FRMD3: variants seen among roughly 807,000 people sequenced by gnomAD.
The protein encoded by FRMD3 is FERM domain containing 3.
A neutral mutation model predicts 70.2 loss-of-function variants in FRMD3; 33 were observed. The observed-to-expected ratio is 0.47, with a 90% CI of 0.36 to 0.63. The LOEUF is 0.63. FRMD3 is among the 20% of genes least tolerant of loss of function. The probability of loss-of-function intolerance (pLI) is 0.00; values close to 1 mark genes in which losing one functional copy is unlikely to be tolerated. For synonymous variants in FRMD3, 279 were observed against 255.9 expected (o/e 1.09, Z -0.86); for missense variants, 632 against 711.4 (o/e 0.89, Z 1.27).
At chr9:83,477,716 C>A (rs1828433993) in intron 1 of FRMD3, among the ~76,000 whole-genome samples, 1 of 152,102 alleles carries the variant, frequency 6.6e-6, no homozygotes, top group South Asian at 2.1e-4. Flanking sequence ...TGCTTCCAGA[C>A]CTCCTCCATG....
At position 83,432,103 on chromosome 9, in the gene FRMD3, G is replaced by C. The variant is rs1274758160; in HGVS notation, c.148-42395C>G. Among the ~76,000 whole-genome samples, 3 of 152,258 alleles carry C rather than the reference G, an allele frequency of 2.0e-5. No individual in the cohort carries two copies. In the South Asian group the frequency reaches 6.2e-4, roughly 32 times the overall value. Reference sequence around the variant, plus strand: ...GCATTCCCAATCTAGTGGCTGGAAAGGACACTGCCACACACCTGGAAGCAA... The same window carrying C: ...GCATTCCCAATCTAGTGGCTGGAAACGACACTGCCACACACCTGGAAGCAA... On this transcript the variant is annotated intron_variant, in intron 1 of 13. Transcript: ENST00000304195.
intron 1 of FRMD3, among the ~76,000 whole-genome samples, chr9:83,423,635 CG>C (rs1317591095): frequency 9.3e-6 from 1 of 107,900 alleles, no homozygotes; most frequent in African/African-American, 3.7e-5. Flanking sequence ...TCGCTTGCAT[CG>C]CTCAGGCTGG....
chr9:83,556,776 G>C, the FRMD3 span, among the ~76,000 whole-genome samples: 1 of 151,716 alleles, frequency 6.6e-6, no homozygotes, highest in Non-Finnish European at 1.5e-5. Flanking sequence ...CAAGAGATTC[G>C]TTTTTCAAAA....
chr9:83,266,376 C>G (rs1178992954), intron 13 of FRMD3, among the ~76,000 whole-genome samples: 1 of 152,172 alleles, frequency 6.6e-6, no homozygotes, highest in Non-Finnish European at 1.5e-5. Flanking sequence ...TTGTGTTAAT[C>G]AATTGGTAAA....
intron 2 of FRMD3, among the ~76,000 whole-genome samples, chr9:83,375,642 C>T (rs1045438723): frequency 6.6e-6 from 1 of 152,134 alleles, no homozygotes; most frequent in Non-Finnish European, 1.5e-5. Context: ...ACCACATGTT[C>T]TCACTTATAA....
the FRMD3 span, among the ~76,000 whole-genome samples, chr9:83,564,702 A>G: frequency 6.6e-6 from 1 of 152,190 alleles, no homozygotes; most frequent in Non-Finnish European, 1.5e-5. Flanking sequence ...CATTGTCCAT[A>G]CTCAAGAGCT....
Position 83,245,978 on chromosome 9 carries a change from A to G in FRMD3, c.*1940T>C, listed in dbSNP as rs1832073263. 1 of 984,158 alleles carries G rather than the reference A, an allele frequency of 1.0e-6. No individual in the cohort carries two copies. Among genetic ancestry groups the G allele is most frequent in the Non-Finnish European group, 1.2e-6 (1 of 828,890 alleles). The allele number at this position is 984,158 out of a possible 1,614,324, so 61.0% of individuals were successfully genotyped here. A position where few individuals can be genotyped will look rare whatever the true frequency, so the allele number is the denominator to read the frequency against. Reference sequence around the variant, plus strand: ...AATCTTTATTTAAAAAGCAAAATAAATCACTGAAAGCATATAGGAAAGGAA... The same window carrying G: ...AATCTTTATTTAAAAAGCAAAATAAGTCACTGAAAGCATATAGGAAAGGAA... On this transcript the variant is annotated 3_prime_UTR_variant, in exon 14 of 14. Coordinates refer to ENST00000304195, the MANE Select transcript of FRMD3 (RefSeq NM_174938.6).
chr9:83,449,611 G>C (rs1587863684), intron 1 of FRMD3, among the ~76,000 whole-genome samples: 1 of 152,232 alleles, frequency 6.6e-6, no homozygotes, highest in African/African-American at 2.4e-5. Flanking sequence ...TCAGGCCACA[G>C]ATGCACCCCT....
chr9:83,509,996 C>T (rs1447216588), intron 1 of FRMD3, among the ~76,000 whole-genome samples: 2 of 152,062 alleles, frequency 1.3e-5, no homozygotes, highest in Non-Finnish European at 2.9e-5. Flanking sequence ...AAGCAATTTG[C>T]TTTAAATCTT....
chr9:83,304,683 A>G (rs1054382891), intron 10 of FRMD3, among the ~76,000 whole-genome samples: 1 of 152,254 alleles, frequency 6.6e-6, no homozygotes, highest in East Asian at 1.9e-4. Context: ...TATCCAGTAC[A>G]CAGCAAAAAC....
chr9:83,532,810 G>A lies in FRMD3; in HGVS notation c.147+5275C>T, dbSNP rs376622842. Among the ~76,000 whole-genome samples, 3 of 152,230 alleles carry A rather than the reference G, an allele frequency of 2.0e-5. No individual in the cohort carries two copies. The South Asian group carries it at 6.2e-4, about 32-fold the overall frequency. ...GAAAACTGATGGGGACTCTGGGAAA[G>A]TGTTCCTCTGTGATAAAAAGGCAAT... On this transcript the variant is annotated intron_variant, in intron 1 of 13. Transcript: ENST00000304195.
At chr9:83,508,484 G>C (rs2131526433) in intron 1 of FRMD3, among the ~76,000 whole-genome samples, 1 of 152,278 alleles carries the variant, frequency 6.6e-6, no homozygotes, top group Non-Finnish European at 1.5e-5. Context: ...TTAACAAATG[G>C]TTTGTGAGTG....
chr9:83,461,725 G>A lies in FRMD3; in HGVS notation c.148-72017C>T, dbSNP rs968013474. On this transcript the variant is annotated intron_variant, in intron 1 of 13. Coordinates refer to ENST00000304195, the MANE Select transcript of FRMD3 (RefSeq NM_174938.6). ...TTTTTTTGAGATGGAGTCTCACTCT[G>A]TCATCCATGCTGGAGCGCAGTGGCA... is the stretch of plus-strand genomic sequence containing the variant. Among the ~76,000 whole-genome samples the A allele has an allele frequency of 2.7e-5, 3 of 109,506 alleles. No individual in the cohort carries two copies. In the Admixed American group the frequency reaches 4.4e-4, roughly 16 times the overall value. 71.8% of individuals were successfully genotyped at this position (109,506 alleles called of 152,430 possible). A position where few individuals can be genotyped will look rare whatever the true frequency, so the allele number is the denominator to read the frequency against.
At chr9:83,314,873 T>C (rs1835502648) in intron 6 of FRMD3, among the ~76,000 whole-genome samples, 4 of 152,170 alleles carry the variant, frequency 2.6e-5, no homozygotes, top group African/African-American at 7.2e-5. Context: ...TCTTATCTCC[T>C]TTGAGAGGCC....
intron 1 of FRMD3, among the ~76,000 whole-genome samples, chr9:83,501,673 A>T (rs1236465788): frequency 6.6e-6 from 1 of 152,224 alleles, no homozygotes; most frequent in East Asian, 1.9e-4. Context: ...ACACCATGAA[A>T]ACCTGTATTT....
chr9:83,340,854 C>T (rs1331663525), intron 5 of FRMD3, among the ~76,000 whole-genome samples: 1 of 152,138 alleles, frequency 6.6e-6, no homozygotes, highest in Non-Finnish European at 1.5e-5. Flanking sequence ...CCTCAGCCTC[C>T]CAAGTAGCTG....
the FRMD3 span, among the ~76,000 whole-genome samples, chr9:83,565,164 A>T: frequency 6.6e-6 from 1 of 152,150 alleles, no homozygotes; most frequent in Non-Finnish European, 1.5e-5. Flanking sequence ...TTACTTCATT[A>T]TTCGCTGAAG....
chr9:83,533,374 G>C (rs1439130200), intron 1 of FRMD3, among the ~76,000 whole-genome samples: 1 of 152,150 alleles, frequency 6.6e-6, no homozygotes, highest in Non-Finnish European at 1.5e-5. Flanking sequence ...CAACAGAAAT[G>C]CTTCATTCAC....
At chr9:83,426,443 T>A (rs1166200151) in intron 1 of FRMD3, among the ~76,000 whole-genome samples, 1 of 152,244 alleles carries the variant, frequency 6.6e-6, no homozygotes, top group Non-Finnish European at 1.5e-5. Flanking sequence ...GTGAGAGGCA[T>A]GGCAGAGGCC....
Sources: gnomAD v4.1 joint callset for allele counts (sites outside exome capture counted in the v4.1 genomes callset) on GRCh38, gnomAD v4.1.1 for gene constraint, MANE v1.5 for transcripts, NCBI Gene and HGNC (gene_info 2026-07-23, HGNC 2026-07-21) for gene names.